The following UBE2K variants were observed in gnomAD, a reference collection of about 807,000 sequenced individuals.
UBE2K encodes ubiquitin-conjugating enzyme E2 K.
A neutral mutation model predicts 30.0 loss-of-function variants in UBE2K; 6 were observed. The observed-to-expected ratio is 0.20, with a 90% CI of 0.11 to 0.39. UBE2K has a LOEUF of 0.39. UBE2K is among the 10% of genes least tolerant of loss of function. The probability of loss-of-function intolerance (pLI) is 1.00; values close to 1 mark genes in which losing one functional copy is unlikely to be tolerated. For synonymous variants in UBE2K, 86 were observed against 83.7 expected (o/e 1.03, Z -0.15); for missense variants, 61 against 241.6 (o/e 0.25, Z 4.96).
At chr4:39,738,758 T>A in intron 2 of UBE2K, among the ~76,000 whole-genome samples, 1 of 151,126 alleles carries the variant, frequency 6.6e-6, no homozygotes, top group Middle Eastern at 3.5e-3. Flanking sequence ...GCTCACTGCA[T>A]CCTCCATCTC....
At chr4:39,758,784 T>C (rs569192377) in intron 4 of UBE2K, among the ~76,000 whole-genome samples, 1 of 152,280 alleles carries the variant, frequency 6.6e-6, no homozygotes, top group Admixed American at 6.5e-5. Flanking sequence ...GTAATTATCT[T>C]CCTATATAGC....
At chr4:39,757,021 T>TTG (rs1560370563) in intron 4 of UBE2K, among the ~76,000 whole-genome samples, 2 of 98,344 alleles carry the variant, frequency 2.0e-5, no homozygotes, top group African/African-American at 8.9e-5. Flanking sequence ...GTTTTTTGTT[T>TTG]TTTGTTTTTT....
chr4:39,754,460 A>G (rs1721425574), intron 3 of UBE2K, among the ~76,000 whole-genome samples: 1 of 152,210 alleles, frequency 6.6e-6, no homozygotes. Context: ...CAAAGAGAAG[A>G]GAGAAGTGGA....
At chr4:39,714,550 A>ATATATATTTTTTTTTTTT in intron 1 of UBE2K, 1 of 17,844 alleles carries the variant, frequency 5.6e-5, no homozygotes, top group Non-Finnish European at 8.7e-5. Flanking sequence ...ATATATATAT[A>ATATATATTTTTTTTTTTT]TTTTTTTTTT....
intron 4 of UBE2K, among the ~76,000 whole-genome samples, chr4:39,766,008 G>T (rs1465362828): frequency 7.9e-5 from 12 of 152,066 alleles, no homozygotes. Flanking sequence ...TCCATCCATG[G>T]AAACCTTAAG....
intron 4 of UBE2K, among the ~76,000 whole-genome samples, chr4:39,758,545 G>A (rs1711644990): frequency 6.6e-6 from 1 of 152,294 alleles, no homozygotes; most frequent in South Asian, 2.1e-4. Flanking sequence ...GGGCATGGTG[G>A]TGCATACCTG....
intron 1 of UBE2K, among the ~76,000 whole-genome samples, chr4:39,721,833 A>G (rs1241969545): frequency 1.3e-5 from 2 of 152,188 alleles, no homozygotes; most frequent in African/African-American, 2.4e-5. Context: ...TCACTCTGGT[A>G]ATCCTTGCAC....
chr4:39,742,205 G>A (rs1720741196), intron 2 of UBE2K, among the ~76,000 whole-genome samples: 7 of 152,086 alleles, frequency 4.6e-5, no homozygotes, highest in Admixed American at 1.3e-4. Context: ...TTCTTAGGAA[G>A]GAAAAAGAAA....
In UBE2K at chr4:39,780,865, G is replaced by C. The variant is rs574095040; in HGVS notation, c.*2431G>C. On this transcript the variant is annotated 3_prime_UTR_variant, in exon 7 of 7. Coordinates refer to ENST00000261427, the MANE Select transcript of UBE2K (RefSeq NM_005339.5). ...TCAGGCCTAGGGGAAAAGTACCCTG[G>C]TGGAAATTATTTTTGTAATTCTTAA... is the stretch of plus-strand genomic sequence containing the variant. The C allele has an allele frequency of 2.2e-4, 33 of 152,076 alleles. No individual in the cohort carries two copies. The highest frequency in any genetic ancestry group is 8.0e-4 in the African/African-American group (33 of 41,506). 9.4% of individuals were successfully genotyped at this position (152,076 alleles called of 1,614,324 possible).
chr4:39,775,817 C>G (rs1402928392), intron 5 of UBE2K, among the ~76,000 whole-genome samples: 2 of 151,872 alleles, frequency 1.3e-5, no homozygotes, highest in African/African-American at 4.8e-5. Context: ...TTTTTTTAAA[C>G]TTAGAAAGTT....
At chr4:39,760,386 C>T (rs1711844658) in intron 4 of UBE2K, among the ~76,000 whole-genome samples, 1 of 151,712 alleles carries the variant, frequency 6.6e-6, no homozygotes, top group South Asian at 2.1e-4. Context: ...ATTAATAGCC[C>T]CAACGGGAAA....
intron 1 of UBE2K, among the ~76,000 whole-genome samples, chr4:39,709,679 A>G (rs1002606826): frequency 5.9e-5 from 9 of 152,020 alleles, no homozygotes; most frequent in African/African-American, 2.2e-4. Flanking sequence ...ATAAGAGGGG[A>G]TATATTAATA....
At chr4:39,755,760 C>A in intron 4 of UBE2K, 21 bp downstream of exon 4, 2 of 1,517,506 alleles carry the variant, frequency 1.3e-6, no homozygotes, top group Non-Finnish European at 1.8e-6. Flanking sequence ...TTGAATTCAC[C>A]TTCTCTCCTT....
chr4:39,774,764 A>G lies in UBE2K; in HGVS notation c.300-70A>G. On this transcript the variant is annotated intron_variant, in intron 4 of 6. Coordinates refer to ENST00000261427, the MANE Select transcript of UBE2K (RefSeq NM_005339.5). ...TTAGCTCTACAATTTTTTAATTTTT[A>G]TTAAGAAAATACTTTGCTTTTGCCT... The G allele has an allele frequency of 3.3e-6, 3 of 904,890 alleles. No individual in the cohort carries two copies. The African/African-American group carries it at 5.1e-5, about 15-fold the overall frequency. The allele number at this position is 904,890 out of a possible 1,614,324, so 56.1% of individuals were successfully genotyped here.
intron 4 of UBE2K, among the ~76,000 whole-genome samples, chr4:39,771,595 G>C (rs541763144): frequency 1.1e-4 from 16 of 152,290 alleles, no homozygotes; most frequent in African/African-American, 3.6e-4. Flanking sequence ...GCGCGCTCGC[G>C]CTGGCGGGGC....
At chr4:39,760,176 C>CAAAAAAAAAAAAA (rs71194913) in intron 4 of UBE2K, among the ~76,000 whole-genome samples, 3 of 77,168 alleles carry the variant, frequency 3.9e-5, no homozygotes, top group Admixed American at 1.8e-4. Context: ...GACTCTGTCA[C>CAAAAAAAAAAAAA]AAAAAAAAAA....
At chr4:39,719,531 C>T (rs1020421232) in intron 1 of UBE2K, among the ~76,000 whole-genome samples, 1 of 152,114 alleles carries the variant, frequency 6.6e-6, no homozygotes, top group African/African-American at 2.4e-5. Context: ...GCTCTTAGGA[C>T]ATAGGTTTAG....
At position 39,771,912 on chromosome 4, in the gene UBE2K, C is replaced by T. The variant is rs192304566; in HGVS notation, c.300-2922C>T. Reference sequence around the variant, plus strand: ...CTGGAGTGCGGTGGCGCCATCTGGACTCACTATAACCTTCGCCTCCCAGGT... The same window carrying T: ...CTGGAGTGCGGTGGCGCCATCTGGATTCACTATAACCTTCGCCTCCCAGGT... On this transcript the variant is annotated intron_variant, in intron 4 of 6. Transcript: ENST00000261427. Among the ~76,000 whole-genome samples, 302 of 152,200 alleles carry T rather than the reference C, an allele frequency of 2.0e-3. 1 individual carries two copies. The highest frequency in any genetic ancestry group is 3.2e-3 in the Non-Finnish European group (219 of 68,018).
chr4:39,753,101 T>C (rs1392208216), intron 3 of UBE2K, among the ~76,000 whole-genome samples: 1 of 152,198 alleles, frequency 6.6e-6, no homozygotes, highest in Admixed American at 6.5e-5. Context: ...TACAAAGCAA[T>C]GTTTGATGTG....
Sources: allele counts gnomAD v4.1 joint callset (sites outside exome capture counted in the v4.1 genomes callset), GRCh38; gene constraint gnomAD v4.1.1; transcripts MANE v1.5; gene names NCBI Gene and HGNC (gene_info 2026-07-23, HGNC 2026-07-21).